Variants in DHX58 observed in about 807,000 individuals in gnomAD.
The protein encoded by DHX58 is ATP-dependent RNA helicase DHX58.
A neutral mutation model predicts 65.0 loss-of-function variants in DHX58; 51 were observed. The observed-to-expected ratio is 0.78, with a 90% CI of 0.63 to 0.99. The LOEUF (loss-of-function observed/expected upper bound fraction) is 0.99, where lower values mean the gene tolerates loss of function less well. Ranked by LOEUF, DHX58 falls within the 50% of genes least tolerant of loss-of-function variation. The probability of loss-of-function intolerance (pLI) is 0.00; values close to 1 mark genes in which losing one functional copy is unlikely to be tolerated. For missense variants in DHX58, 773 were observed against 891.8 expected (o/e 0.87, Z 1.70); for synonymous variants, 350 against 365.0 (o/e 0.96, Z 0.47).
intron 5 of DHX58, 87 bp downstream of exon 5, chr17:42,110,636 G>GGGGACGGGGTA: frequency 6.9e-7 from 1 of 1,445,038 alleles, no homozygotes; most frequent in Non-Finnish European, 9.2e-7. Flanking sequence ...TAGGGCTGGT[G>GGGGACGGGGTA]GGGACGGGGT....
chr17:42,104,817 C>T lies in DHX58; in HGVS notation c.1512G>A (p.Glu504=), dbSNP rs1568002391. 2.5e-6 allele frequency: 4 copies of T among 1,614,054 alleles called. No individual in the cohort carries two copies. The highest frequency in any genetic ancestry group is 1.7e-5 in the Admixed American group (1 of 60,008). ...LINEALETLM[E]QAVAAVQKMD... Reference sequence around the variant, plus strand: ...TTTTCTGCACAGCAGCCACTGCCTGCTCCATCAGCGTCTCCAGCGCCTCGT... The same window carrying T: ...TTTTCTGCACAGCAGCCACTGCCTGTTCCATCAGCGTCTCCAGCGCCTCGT... Residue 504 remains glutamate, a synonymous_variant, in exon 11 of 14, where the codon GAG becomes GAA. Transcript: ENST00000251642.
At chr17:42,106,481 C>G (rs576660948) in intron 8 of DHX58, among the ~76,000 whole-genome samples, 1 of 151,886 alleles carries the variant, frequency 6.6e-6, no homozygotes, top group African/African-American at 2.4e-5. Context: ...TCAACTCCCC[C>G]ACAGCAGCAC....
Position 42,110,960 on chromosome 17 carries a change from T to C in DHX58, c.371-47A>G, listed in dbSNP as rs78026875. On this transcript the variant is annotated intron_variant, in intron 4 of 13. Coordinates refer to ENST00000251642, the MANE Select transcript of DHX58 (RefSeq NM_024119.3). ...CTGTGACCTATGTTTGCAAAGCCCT[T>C]CCTCCCATCAGCTTTCAAGTAGTCC... 2.0e-6 allele frequency: 3 copies of C among 1,532,088 alleles called. No homozygotes were observed. The African/African-American group carries it at 4.1e-5, about 21-fold the overall frequency. 94.9% of individuals were successfully genotyped at this position (1,532,088 alleles called of 1,614,324 possible).
At chr17:42,111,536 C>A in intron 3 of DHX58, 39 bp from the exon 4 acceptor site, 1 of 1,609,388 alleles carries the variant, frequency 6.2e-7, no homozygotes, top group Non-Finnish European at 8.5e-7. Context: ...AGAGCTGAAT[C>A]TGGGGCCAGG....
At chr17:42,109,132 G>T in intron 6 of DHX58, 138 bp downstream of exon 6, 1 of 687,022 alleles carries the variant, frequency 1.5e-6, no homozygotes, top group Non-Finnish European at 2.3e-6. Context: ...CCATTTCACA[G>T]AAAGGAGAAA....
At chr17:42,106,729 G>C (rs2054066941) in intron 8 of DHX58, among the ~76,000 whole-genome samples, 1 of 151,966 alleles carries the variant, frequency 6.6e-6, no homozygotes, top group Admixed American at 6.5e-5. Context: ...GAACCCAGGA[G>C]GGGGAGGTTG....
Position 42,105,799 on chromosome 17 carries a change from C to T in DHX58, c.1188G>A (p.Val396=), listed in dbSNP as rs782397989. 6.8e-6 allele frequency: 11 copies of T among 1,612,924 alleles called. No individual in the cohort carries two copies. ...CAATCAGTAGCTGGGCCCGGATGTC[C>T]ACAGTCTGCAGGCCCTGCTGCTGCT... The part of the protein sequence containing the change: ...WLQQQQGLQT[V]DIRAQLLIGA... The change falls in exon 9 of 14, where the codon GTG becomes GTA. Residue 396 remains valine (V), a synonymous_variant. Transcript: ENST00000251642.
chr17:42,112,351 G>T, intron 1 of DHX58, 146 bp from the exon 2 acceptor site: 1 of 242,454 alleles, frequency 4.1e-6, no homozygotes, highest in South Asian at 1.0e-4. Context: ...TGCTGCGCCA[G>T]CGCCCTGGCA....
intron 2 of DHX58, 78 bp from the exon 3 acceptor site, chr17:42,111,971 C>G: frequency 6.6e-7 from 1 of 1,509,192 alleles, no homozygotes; most frequent in Non-Finnish European, 8.9e-7. Context: ...AGTACAGAGA[C>G]CTCCCTTTGC....
At chr17:42,102,016 A>C (rs1484440455) in intron 13 of DHX58, 70 bp from the exon 14 acceptor site, 20 of 1,518,150 alleles carry the variant, frequency 1.3e-5, no homozygotes, top group Middle Eastern at 3.5e-4. Flanking sequence ...CTCAAGTTGG[A>C]ATTCCCTGAA....
In DHX58 at chr17:42,107,737, A is replaced by C; in HGVS notation, c.864T>G (p.Asn288Lys). The change falls in exon 8 of 14, where the codon AAT (asparagine) becomes AAG (lysine). Residue 288 changes from asparagine to lysine, a missense_variant. By Grantham distance (94) the Asn-to-Lys change is moderately conservative. Coordinates refer to ENST00000251642, the MANE Select transcript of DHX58 (RefSeq NM_024119.3). ...RVYALHLRRY[N>K]DALLIHDTVR... Reference sequence around the variant, plus strand: ...CGGTGTCATGGATGAGCAGCGCGTCATTGTAGCGCCTCAGGTGAAGCGCAT... The same window carrying C: ...CGGTGTCATGGATGAGCAGCGCGTCCTTGTAGCGCCTCAGGTGAAGCGCAT... 1 of 1,605,388 alleles carries C rather than the reference A, an allele frequency of 6.2e-7. No individual in the cohort carries two copies. The highest frequency in any genetic ancestry group is 8.5e-7 in the Non-Finnish European group (1 of 1,175,804).
chr17:42,102,134 G>A (rs908567097), intron 13 of DHX58, 82 bp downstream of exon 13: 20 of 1,522,084 alleles, frequency 1.3e-5, no homozygotes, highest in East Asian at 4.5e-5. Flanking sequence ...ACTGTCTCCC[G>A]TGTCCTAGTG....
chr17:42,104,303 T>C lies in DHX58; in HGVS notation c.1563+463A>G, dbSNP rs148258285. 1.7e-3 allele frequency among the ~76,000 whole-genome samples: 259 copies of C among 152,202 alleles called. 1 individual carries two copies. The highest frequency in any genetic ancestry group is 6.8e-3 in the Middle Eastern group (2 of 294). On this transcript the variant is annotated intron_variant, in intron 11 of 13. Coordinates refer to ENST00000251642, the MANE Select transcript of DHX58 (RefSeq NM_024119.3). Reference sequence around the variant, plus strand: ...TTTCCTGCTCAATCTTGAAGGACTTTAGGCAAAGCTGCTTCTGTGAATCTG... The same window carrying C: ...TTTCCTGCTCAATCTTGAAGGACTTCAGGCAAAGCTGCTTCTGTGAATCTG...
Position 42,111,300 on chromosome 17 carries a change from G to A in DHX58, c.366C>T (p.Leu122=). 1 of 1,611,620 alleles carries A rather than the reference G, an allele frequency of 6.2e-7. No individual in the cohort carries two copies. Among genetic ancestry groups the A allele is most frequent in the Non-Finnish European group, 8.5e-7 (1 of 1,178,006 alleles). Residue 122 remains leucine, a synonymous_variant, in exon 4 of 14, where the codon CTC becomes CTT. Transcript: ENST00000251642. Reference sequence around the variant, plus strand: ...CCTCCCGGCCATGGCCCTCACCAGTGAGCTCCACGTGCTCCTCCTCCTCGG... The same window carrying A: ...CCTCCCGGCCATGGCCCTCACCAGTAAGCTCCACGTGCTCCTCCTCCTCGG... The part of the protein sequence containing the change: ...TSPEEEEHVE[L]TVFSLIVVDE...
At chr17:42,109,217 TG>T in intron 6 of DHX58, 52 bp downstream of exon 6, 1 of 1,497,794 alleles carries the variant, frequency 6.7e-7, no homozygotes, top group Non-Finnish European at 9.1e-7. Flanking sequence ...CAAGCCTAGG[TG>T]TCCTAACTTC....
intron 8 of DHX58, among the ~76,000 whole-genome samples, chr17:42,106,672 C>T (rs2054065890): frequency 7.9e-6 from 1 of 127,226 alleles, no homozygotes; most frequent in Non-Finnish European, 1.6e-5. Flanking sequence ...TGGTGATGCA[C>T]ACTTGTAGTC....
intron 9 of DHX58, 48 bp downstream of exon 9, chr17:42,105,688 T>G (rs1555662486): frequency 5.3e-6 from 8 of 1,519,204 alleles, no homozygotes; most frequent in Non-Finnish European, 7.0e-6. Context: ...CGCACTTCTC[T>G]CCTATGGAAT....
chr17:42,111,558 G>A (rs541305218), intron 3 of DHX58, 61 bp from the exon 4 acceptor site: 34 of 1,601,398 alleles, frequency 2.1e-5, no homozygotes, highest in East Asian at 4.5e-5. Context: ...GTAGGGAGGC[G>A]GTAAGGTGAC....
intron 5 of DHX58, among the ~76,000 whole-genome samples, chr17:42,109,699 AG>A (rs782362511): frequency 7.3e-5 from 11 of 151,452 alleles, no homozygotes; most frequent in Non-Finnish European, 1.5e-4. Context: ...AGTTTGAGAC[AG>A]CCTGGCCAAC....
Sources: gnomAD v4.1 joint callset for allele counts (sites outside exome capture counted in the v4.1 genomes callset) on GRCh38, gnomAD v4.1.1 for gene constraint, MANE v1.5 for transcripts, NCBI Gene and HGNC (gene_info 2026-07-23, HGNC 2026-07-21) for gene names.